Variants in GSTCD observed in about 807,000 individuals in gnomAD.
GSTCD encodes the protein glutathione S-transferase C-terminal domain containing.
A neutral mutation model predicts 68.3 loss-of-function variants in GSTCD; 44 were observed. The observed-to-expected ratio is 0.64, with a 90% CI of 0.51 to 0.83. The LOEUF is 0.83. GSTCD is among the 40% of genes least tolerant of loss of function. GSTCD has a pLI of 0.00. For missense variants in GSTCD, 739 were observed against 735.9 expected (o/e 1.00, Z -0.05); for synonymous variants, 273 against 255.2 (o/e 1.07, Z -0.67).
rs192534714 is a variant in GSTCD at position 105,764,657 on chromosome 4, A to G, written c.1240+35158A>G. Reference sequence around the variant, plus strand: ...TCTTATAAGGACACCAGTCCTGTCAAATTAAGGCCCCACACTTATGACCTC... The same window carrying G: ...TCTTATAAGGACACCAGTCCTGTCAGATTAAGGCCCCACACTTATGACCTC... On this transcript the variant is annotated intron_variant, in intron 5 of 11. Coordinates refer to ENST00000515279, the MANE Select transcript of GSTCD (RefSeq NM_001370181.1). 2.0e-5 allele frequency among the ~76,000 whole-genome samples: 3 copies of G among 152,206 alleles called. No individual in the cohort carries two copies. In the East Asian group the frequency reaches 5.8e-4, roughly 29 times the overall value.
intron 5 of GSTCD, among the ~76,000 whole-genome samples, chr4:105,814,141 T>C (rs1267544533): frequency 6.6e-6 from 1 of 152,202 alleles, no homozygotes; most frequent in Non-Finnish European, 1.5e-5. Context: ...CCTATTTCAG[T>C]AGACTCAGAC....
chr4:105,821,871 G>T (rs1005575430), intron 5 of GSTCD, among the ~76,000 whole-genome samples: 2 of 151,594 alleles, frequency 1.3e-5, no homozygotes, highest in Admixed American at 6.6e-5. Context: ...TTTTTATATA[G>T]TTTTTTATTT....
At chr4:105,779,864 T>C (rs902770226) in intron 5 of GSTCD, among the ~76,000 whole-genome samples, 8 of 152,200 alleles carry the variant, frequency 5.3e-5, no homozygotes, top group Non-Finnish European at 1.0e-4. Flanking sequence ...TTTCAGACAT[T>C]TGAGAGAAGG....
intron 5 of GSTCD, among the ~76,000 whole-genome samples, chr4:105,814,339 G>A (rs539855378): frequency 1.7e-4 from 26 of 152,280 alleles, no homozygotes; most frequent in East Asian, 1.2e-3. Flanking sequence ...CTGGCCAGGC[G>A]TGGTGGCTCA....
intron 5 of GSTCD, among the ~76,000 whole-genome samples, chr4:105,732,307 A>C (rs1044345498): frequency 2.0e-5 from 3 of 152,170 alleles, no homozygotes; most frequent in Non-Finnish European, 2.9e-5. Context: ...TTCGGCTGTG[A>C]ATCCGTCTGG....
rs752153922 is a variant in GSTCD, at chr4:105,788,777, A to G, written c.1241-34177A>G. On this transcript the variant is annotated intron_variant, in intron 5 of 11. Coordinates refer to ENST00000515279, the MANE Select transcript of GSTCD (RefSeq NM_001370181.1). Reference sequence around the variant, plus strand: ...TCTTGTTTGTGTAGTATAAATTAAGATATTTTGTATATTATTGACATTTAT... The same window carrying G: ...TCTTGTTTGTGTAGTATAAATTAAGGTATTTTGTATATTATTGACATTTAT... Among the ~76,000 whole-genome samples, 70 of 152,036 alleles carry G rather than the reference A, an allele frequency of 4.6e-4. 1 individual carries two copies. Among genetic ancestry groups the G allele is most frequent in the Middle Eastern group, 3.2e-3 (1 of 316 alleles).
chr4:105,741,862 A>G (rs1733641765), intron 5 of GSTCD, among the ~76,000 whole-genome samples: 1 of 152,222 alleles, frequency 6.6e-6, no homozygotes, highest in African/African-American at 2.4e-5. Context: ...TGTTAAAGTA[A>G]GGCAGAATTG....
At chr4:105,840,285 A>G (rs1724286132) in intron 10 of GSTCD, 2 of 426,024 alleles carry the variant, frequency 4.7e-6, no homozygotes, top group Admixed American at 5.3e-5. Context: ...TCTTCAAATC[A>G]TGTAATTCTA....
At chr4:105,738,084 G>A (rs1733516967) in intron 5 of GSTCD, among the ~76,000 whole-genome samples, 1 of 152,216 alleles carries the variant, frequency 6.6e-6, no homozygotes, top group Non-Finnish European at 1.5e-5. Flanking sequence ...ACCAGAAGCA[G>A]ATGCTGACCT....
At chr4:105,808,742 C>A (rs1163640676) in intron 5 of GSTCD, among the ~76,000 whole-genome samples, 4 of 152,050 alleles carry the variant, frequency 2.6e-5, no homozygotes, top group African/African-American at 9.7e-5. Context: ...ATGAAAAATT[C>A]CAGAAATAAA....
intron 2 of GSTCD, among the ~76,000 whole-genome samples, chr4:105,718,331 T>G (rs997028687): frequency 6.6e-6 from 1 of 152,094 alleles, no homozygotes; most frequent in Non-Finnish European, 1.5e-5. Context: ...GGGTAATGAG[T>G]GAGTTCTTGC....
intron 5 of GSTCD, among the ~76,000 whole-genome samples, chr4:105,754,590 A>G (rs1479023107): frequency 1.3e-5 from 2 of 152,224 alleles, no homozygotes; most frequent in Admixed American, 1.3e-4. Flanking sequence ...ATGATTACAC[A>G]GCAAATATTT....
intron 8 of GSTCD, among the ~76,000 whole-genome samples, chr4:105,831,071 T>C (rs1723873824): frequency 6.6e-6 from 1 of 152,222 alleles, no homozygotes; most frequent in Non-Finnish European, 1.5e-5. Flanking sequence ...TGTGGCAGTG[T>C]GTACAAAACA....
intron 5 of GSTCD, among the ~76,000 whole-genome samples, chr4:105,752,171 G>A (rs2112049): frequency 0.93 from 140,842 of 152,188 alleles, 65,166 homozygotes; most frequent in East Asian, 0.97. Flanking sequence ...TTTGTGAGCC[G>A]TGAAACCAGA....
At chr4:105,717,535 A>G in intron 1 of GSTCD, 58 bp from the exon 2 acceptor site, 1 of 1,073,566 alleles carries the variant, frequency 9.3e-7, no homozygotes, top group East Asian at 2.5e-5. Flanking sequence ...TTCATCTTTT[A>G]TTTTAGCTTC....
intron 5 of GSTCD, among the ~76,000 whole-genome samples, chr4:105,808,513 C>T (rs1483734779): frequency 6.6e-6 from 1 of 152,048 alleles, no homozygotes; most frequent in Non-Finnish European, 1.5e-5. Context: ...GTTAGACTTC[C>T]TATTTAAGTC....
At chr4:105,719,624 T>G in intron 3 of GSTCD, 97 bp downstream of exon 3, 1 of 845,830 alleles carries the variant, frequency 1.2e-6, no homozygotes. Context: ...GTCAATATGC[T>G]GCTAGGAAAG....
intron 5 of GSTCD, among the ~76,000 whole-genome samples, chr4:105,738,061 T>A (rs1039181975): frequency 1.3e-5 from 2 of 152,220 alleles, no homozygotes; most frequent in Non-Finnish European, 2.9e-5. Flanking sequence ...AGTGGAAGCT[T>A]CCTAAGACCC....
chr4:105,744,811 C>T (rs1733746961), intron 5 of GSTCD, among the ~76,000 whole-genome samples: 1 of 152,178 alleles, frequency 6.6e-6, no homozygotes, highest in South Asian at 2.1e-4. Context: ...AAGATTAGAG[C>T]AGTAAGTATG....
Sources: allele counts gnomAD v4.1 joint callset (sites outside exome capture counted in the v4.1 genomes callset), GRCh38; gene constraint gnomAD v4.1.1; transcripts MANE v1.5; gene names NCBI Gene and HGNC (gene_info 2026-07-23, HGNC 2026-07-21).